Variants in PFKFB3 observed in about 807,000 individuals in gnomAD.
PFKFB3 encodes the protein 6-phosphofructo-2-kinase/fructose-2,6-bisphosphatase 3.
Under a neutral mutation model 68.0 loss-of-function variants are expected in PFKFB3, and 33 were observed. That is an observed-to-expected ratio of 0.49 (90% CI 0.37 to 0.65). The LOEUF (loss-of-function observed/expected upper bound fraction) is 0.65. PFKFB3 is among the 30% of genes least tolerant of loss of function. The pLI, the probability that PFKFB3 is intolerant of heterozygous loss-of-function variation, is 0.00. For missense variants in PFKFB3, 586 were observed against 712.2 expected (o/e 0.82, Z 2.02); for synonymous variants, 315 against 288.2 (o/e 1.09, Z -0.94).
chr10:6,214,689 CTT>C lies in PFKFB3; in HGVS notation c.203-529_203-528del, dbSNP rs144355205. 1.5e-3 allele frequency among the ~76,000 whole-genome samples: 222 copies of C among 152,296 alleles called. 2 individuals are homozygous for C. The highest frequency in any genetic ancestry group is 5.0e-3 in the African/African-American group (207 of 41,570). On this transcript the variant is annotated intron_variant, in intron 2 of 14. Coordinates refer to ENST00000379775, the MANE Select transcript of PFKFB3 (RefSeq NM_004566.4). ...CCTTGCTCATCTCCCACCCTCCCCTCTTTTGAAAGGATGGTTTTTATGTTTAC... is the reference window on the plus strand; with the variant it reads ...CCTTGCTCATCTCCCACCCTCCCCTCTTGAAAGGATGGTTTTTATGTTTAC...
At chr10:6,313,990 A>G in the PFKFB3 span, among the ~76,000 whole-genome samples, 359 of 152,342 alleles carry the variant, frequency 2.4e-3, no homozygotes, top group Non-Finnish European at 3.6e-3. This position sits in a 1 kb window ranked among gnomAD's most constrained non-coding sequence, Gnocchi z 4.2. Context: ...GGTATGGGTG[A>G]GGATACAGAG....
intron 1 of PFKFB3, among the ~76,000 whole-genome samples, chr10:6,206,940 C>T (rs1257437864): frequency 2.7e-5 from 4 of 148,796 alleles, no homozygotes; most frequent in African/African-American, 9.9e-5. Flanking sequence ...CAGAGACACT[C>T]CTCACTTTCC....
At chr10:6,325,673 A>T in the PFKFB3 span, among the ~76,000 whole-genome samples, 1,289 of 152,344 alleles carry the variant, frequency 8.5e-3, 23 homozygotes, top group African/African-American at 0.029. Context: ...AGTTACAATT[A>T]AAATACTGTG....
the PFKFB3 span, among the ~76,000 whole-genome samples, chr10:6,278,078 C>T: frequency 9.4e-4 from 143 of 152,130 alleles, 2 homozygotes; most frequent in African/African-American, 3.3e-3. Flanking sequence ...CCACCACACC[C>T]ACCTAATTTT....
chr10:6,199,007 T>G (rs562422112), upstream of PFKFB3, among the ~76,000 whole-genome samples: 3 of 152,358 alleles, frequency 2.0e-5, no homozygotes, highest in Admixed American at 2.0e-4. Context: ...TCAGTCTCTG[T>G]TCTCAATCAT....
chr10:6,200,546 AC>A (rs1414207653), upstream of PFKFB3, among the ~76,000 whole-genome samples: 1 of 151,348 alleles, frequency 6.6e-6, no homozygotes, highest in Admixed American at 6.6e-5. Context: ...ACCCTAACTT[AC>A]CTGGGGCTGT....
chr10:6,179,996 T>C (rs1588430863), intron 1 of PFKFB3, among the ~76,000 whole-genome samples: 1 of 152,126 alleles, frequency 6.6e-6, no homozygotes, highest in Non-Finnish European at 1.5e-5. Context: ...AGTCGGGTCC[T>C]GAGTCGAGTT....
In PFKFB3 at chr10:6,213,709, C is replaced by A; in HGVS notation, c.163C>A (p.Leu55Met). The A allele has an allele frequency of 6.2e-7, 1 of 1,613,636 alleles. No homozygotes were observed. Among genetic ancestry groups the A allele is most frequent in the Non-Finnish European group, 8.5e-7 (1 of 1,179,818 alleles). ...ARGKTYISKKLTRYLNWIGVP... is the reference protein window; with the variant it reads ...ARGKTYISKKMTRYLNWIGVP... Reference sequence around the variant, plus strand: ...GGGCAAGACCTACATCTCCAAGAAGCTGACTCGCTACCTCAACTGGATTGG... The same window carrying A: ...GGGCAAGACCTACATCTCCAAGAAGATGACTCGCTACCTCAACTGGATTGG... Residue 55 changes from leucine to methionine, a missense_variant, in exon 2 of 15, where the codon CTG (leucine) becomes ATG (methionine). Physicochemically the swap from Leu to Met is conservative, Grantham distance 15. Transcript: ENST00000379775.
upstream of PFKFB3, among the ~76,000 whole-genome samples, chr10:6,201,702 G>C (rs543763562): frequency 6.6e-6 from 1 of 152,158 alleles, no homozygotes; most frequent in Non-Finnish European, 1.5e-5. This position sits in a 1 kb window ranked among gnomAD's most constrained non-coding sequence, Gnocchi z 4.1. Context: ...AGGTTTCAGC[G>C]AGCGCCGCCT....
Position 6,155,420 on chromosome 10 carries a change from G to A in PFKFB3, c.16+10407G>A, listed in dbSNP as rs192535038. ...GGGGTTTCACCATGTTAGCCAGGAT[G>A]GTCTCGATCTCCTGACCTCGTGATC... is the stretch of plus-strand genomic sequence containing the variant. On this transcript the variant is annotated intron_variant, in intron 1 of 14. Coordinates refer to the PFKFB3 transcript ENST00000379789. 1.1e-3 allele frequency among the ~76,000 whole-genome samples: 170 copies of A among 152,076 alleles called. No individual in the cohort carries two copies. In the East Asian group the frequency reaches 0.021, roughly 19 times the overall value.
At chr10:6,210,873 TA>T (rs1490348077) in intron 1 of PFKFB3, among the ~76,000 whole-genome samples, 2,553 of 31,118 alleles carry the variant, frequency 0.082, 1,139 homozygotes, top group Non-Finnish European at 0.17. Context: ...TTAGCCAGGA[TA>T]GTCTTGATAG....
At chr10:6,193,281 CT>C in intron 1 of PFKFB3, among the ~76,000 whole-genome samples, 1 of 152,208 alleles carries the variant, frequency 6.6e-6, no homozygotes, top group East Asian at 1.9e-4. Context: ...AGCCCAGAAA[CT>C]CTAGGCTGCA....
intron 14 of PFKFB3, among the ~76,000 whole-genome samples, chr10:6,226,814 G>A (rs982817145): frequency 3.3e-5 from 5 of 152,190 alleles, no homozygotes; most frequent in Non-Finnish European, 4.4e-5. Context: ...GGCCAGGCGC[G>A]GTGGCTCACG....
chr10:6,159,355 A>G (rs1330047009), intron 1 of PFKFB3, among the ~76,000 whole-genome samples: 1 of 151,812 alleles, frequency 6.6e-6, no homozygotes, highest in Admixed American at 6.6e-5. Context: ...AGATCGCGCC[A>G]CTGCACTCCA....
intron 6 of PFKFB3, among the ~76,000 whole-genome samples, chr10:6,217,493 G>GGAGCTA (rs1844663824): frequency 6.6e-6 from 1 of 152,250 alleles, no homozygotes; most frequent in Non-Finnish European, 1.5e-5. Context: ...TAGTGGTGAT[G>GGAGCTA]GAGCTGCTGG....
chr10:6,308,947 A>G, the PFKFB3 span, among the ~76,000 whole-genome samples: 4 of 152,238 alleles, frequency 2.6e-5, no homozygotes, highest in African/African-American at 9.6e-5. Flanking sequence ...AACAAGTTAA[A>G]AGGCACACGG....
At chr10:6,317,513 A>G in the PFKFB3 span, among the ~76,000 whole-genome samples, 2 of 152,198 alleles carry the variant, frequency 1.3e-5, no homozygotes, top group African/African-American at 4.8e-5. Flanking sequence ...AGGGAGCAGG[A>G]AGTCCAGAAA....
chr10:6,149,114 G>A (rs1841493575), intron 1 of PFKFB3, among the ~76,000 whole-genome samples: 1 of 151,566 alleles, frequency 6.6e-6, no homozygotes, highest in African/African-American at 2.4e-5. Context: ...TGGTGTAGAC[G>A]GTGACTCATC....
chr10:6,322,983 C>G, the PFKFB3 span, among the ~76,000 whole-genome samples: 1 of 152,198 alleles, frequency 6.6e-6, no homozygotes, highest in Admixed American at 6.5e-5. Context: ...ATCCCCAGGA[C>G]CTAAGACCAT....
Sources: gnomAD v4.1 joint callset for allele counts (sites outside exome capture counted in the v4.1 genomes callset) on GRCh38, gnomAD v4.1.1 for gene constraint, Gnocchi (gnomAD v3.1) non-coding constraint, MANE v1.5 for transcripts, NCBI Gene and HGNC (gene_info 2026-07-23, HGNC 2026-07-21) for gene names.